SLC41A3: variants seen among roughly 807,000 people sequenced by gnomAD.
SLC41A3 encodes solute carrier family 41 member 3, also known as SLC41A1-like 2.
SLC41A3 carries 44 observed loss-of-function variants against 45.4 expected under a neutral mutation model. The ratio of observed to expected loss-of-function variants is 0.97; its 90% CI spans 0.76 to 1.25. The LOEUF (loss-of-function observed/expected upper bound fraction) is 1.25. Among genes scored for constraint, SLC41A3 ranks in the 50% most tolerant of loss-of-function variants. SLC41A3 has a pLI of 0.00. For missense variants in SLC41A3, 550 were observed against 600.6 expected (o/e 0.92, Z 0.88); for synonymous variants, 256 against 252.4 (o/e 1.01, Z -0.13).
At chr3:126,092,233 G>T (rs1945502664) in intron 1 of SLC41A3, among the ~76,000 whole-genome samples, 1 of 152,180 alleles carries the variant, frequency 6.6e-6, no homozygotes. Flanking sequence ...CGGAATGAGG[G>T]CAAGGAACAC....
chr3:126,018,696 T>C (rs1008217044), intron 6 of SLC41A3, among the ~76,000 whole-genome samples: 18 of 152,352 alleles, frequency 1.2e-4, no homozygotes, highest in African/African-American at 4.3e-4. Flanking sequence ...CAACTGTCAC[T>C]GCATGCCCAC....
chr3:126,078,848 C>A (rs1054616999), intron 1 of SLC41A3: 4 of 152,192 alleles, frequency 2.6e-5, no homozygotes, highest in African/African-American at 4.8e-5. Flanking sequence ...CTGATGAGAA[C>A]AGAAACTTGC....
intron 1 of SLC41A3, among the ~76,000 whole-genome samples, chr3:126,068,561 C>T (rs567154831): frequency 6.6e-6 from 1 of 152,302 alleles, no homozygotes; most frequent in Admixed American, 6.5e-5. Flanking sequence ...CTGTCAAAAT[C>T]ATCTTTTTCA....
At chr3:126,064,320 T>C (rs754138788) in intron 2 of SLC41A3, among the ~76,000 whole-genome samples, 4 of 152,042 alleles carry the variant, frequency 2.6e-5, no homozygotes, top group Non-Finnish European at 5.9e-5. Context: ...CACGCTTCAG[T>C]TTCTGCCACC....
chr3:126,078,774 G>A (rs1042116574), intron 1 of SLC41A3, among the ~76,000 whole-genome samples: 1 of 152,000 alleles, frequency 6.6e-6, no homozygotes. Context: ...TCAAGGGGTC[G>A]CACCTACAAG....
chr3:126,033,311 C>CT (rs994979224), intron 4 of SLC41A3, among the ~76,000 whole-genome samples: 1 of 79,112 alleles, frequency 1.3e-5, no homozygotes, highest in African/African-American at 5.2e-5. Flanking sequence ...CCTGTTAGCA[C>CT]TGTGCAGTCC....
chr3:126,055,211 C>T (rs1943578752), intron 2 of SLC41A3, among the ~76,000 whole-genome samples: 1 of 152,274 alleles, frequency 6.6e-6, no homozygotes, highest in East Asian at 1.9e-4. Context: ...TTTATATTTA[C>T]AGATTAAAAA....
intron 2 of SLC41A3, among the ~76,000 whole-genome samples, chr3:126,054,734 C>G (rs1943551981): frequency 6.6e-6 from 1 of 152,104 alleles, no homozygotes; most frequent in Admixed American, 6.5e-5. Flanking sequence ...ACTGCTCCCT[C>G]TTCCTTCACA....
chr3:126,020,975 A>G (rs1030736469), intron 6 of SLC41A3, among the ~76,000 whole-genome samples: 2 of 151,892 alleles, frequency 1.3e-5, no homozygotes, highest in African/African-American at 4.8e-5. Flanking sequence ...GCTCACTGCA[A>G]GCTTCGCCTC....
At chr3:126,094,727 G>A (rs1255868316) in intron 1 of SLC41A3, among the ~76,000 whole-genome samples, 2 of 152,222 alleles carry the variant, frequency 1.3e-5, no homozygotes, top group Non-Finnish European at 2.9e-5. Flanking sequence ...TTGTTTCACA[G>A]ATGGGTCTAA....
intron 3 of SLC41A3, among the ~76,000 whole-genome samples, chr3:126,048,744 G>A (rs939791729): frequency 7.2e-5 from 11 of 152,144 alleles, no homozygotes; most frequent in Non-Finnish European, 1.5e-5. Context: ...AAAGGGGGCC[G>A]GTATGGAGTA....
intron 9 of SLC41A3, 131 bp from the exon 10 acceptor site, chr3:126,009,011 G>A (rs1939426876): frequency 1.8e-6 from 2 of 1,120,240 alleles, no homozygotes; most frequent in Non-Finnish European, 2.6e-6. Context: ...CCTACTCTGT[G>A]GCAAGCATAT....
chr3:126,018,116 G>T (rs1048510925), intron 6 of SLC41A3, among the ~76,000 whole-genome samples: 1 of 152,158 alleles, frequency 6.6e-6, no homozygotes, highest in Non-Finnish European at 1.5e-5. Context: ...TCACACCTCA[G>T]CGGGTCAAGA....
intron 6 of SLC41A3, among the ~76,000 whole-genome samples, chr3:126,018,255 A>C (rs1940506930): frequency 6.6e-6 from 1 of 152,218 alleles, no homozygotes; most frequent in Non-Finnish European, 1.5e-5. Flanking sequence ...AAATGAGCAC[A>C]CGGTACAGCC....
chr3:126,007,010 G>T lies in SLC41A3; in HGVS notation c.*6C>A, dbSNP rs369733339. On this transcript the variant is annotated 3_prime_UTR_variant, in exon 11 of 11. Transcript: ENST00000360370. ...CTAATGAGCAAATGGGACCAGCGGG[G>T]CCCAGTTAGGGAGGTCCAGATGCCA... The T allele has an allele frequency of 1.2e-6, 2 of 1,614,158 alleles. No homozygotes were observed. The highest frequency in any genetic ancestry group is 1.7e-6 in the Non-Finnish European group (2 of 1,179,986).
intron 9 of SLC41A3, among the ~76,000 whole-genome samples, chr3:126,010,597 A>G (rs1939606716): frequency 6.6e-6 from 1 of 152,242 alleles, no homozygotes; most frequent in Admixed American, 6.5e-5. Flanking sequence ...CAAACACCAC[A>G]GGAAAAACTG....
Position 126,006,529 on chromosome 3 carries a change from T to C in SLC41A3, c.*487A>G, listed in dbSNP as rs1380227556. On this transcript the variant is annotated 3_prime_UTR_variant, in exon 11 of 11. Transcript: ENST00000360370. ...CATCCTGGGGAGGCTGTACACCTTC[T>C]TGGCACAGCAGCAGTGTGGCCCACG... The C allele has an allele frequency of 3.1e-6, 5 of 1,612,466 alleles. No homozygotes were observed. The highest frequency in any genetic ancestry group is 2.7e-5 in the African/African-American group (2 of 74,826).
intron 2 of SLC41A3, among the ~76,000 whole-genome samples, chr3:126,062,493 A>G (rs1249053702): frequency 6.6e-6 from 1 of 152,206 alleles, no homozygotes; most frequent in Admixed American, 6.5e-5. Context: ...TCAGGAGCAC[A>G]GTTACATTAC....
intron 1 of SLC41A3, among the ~76,000 whole-genome samples, chr3:126,083,065 T>C (rs1945243341): frequency 6.6e-6 from 1 of 152,234 alleles, no homozygotes; most frequent in Admixed American, 6.5e-5. Context: ...ACCTACTGTG[T>C]AGGGCTGTGA....
Sources: allele counts gnomAD v4.1 joint callset (sites outside exome capture counted in the v4.1 genomes callset), GRCh38; gene constraint gnomAD v4.1.1; transcripts MANE v1.5; gene names NCBI Gene and HGNC (gene_info 2026-07-23, HGNC 2026-07-21).